FAM161A: variants seen among roughly 807,000 people sequenced by gnomAD.
FAM161A encodes the protein FAM161 centrosomal protein A.
In FAM161A, 57 loss-of-function variants were observed where a neutral mutation model predicts 70.9. That is an observed-to-expected ratio of 0.80 (90% CI 0.65 to 1.00). FAM161A has a LOEUF of 1.00. FAM161A is among the 50% of genes least tolerant of loss of function. The probability of loss-of-function intolerance (pLI) is 0.00; values close to 1 mark genes in which losing one functional copy is unlikely to be tolerated. For synonymous variants in FAM161A, 299 were observed against 295.7 expected, an observed-to-expected ratio of 1.01 and a Z score of -0.12; for missense variants, 880 against 836.0, an observed-to-expected ratio of 1.05 and a Z score of -0.65.
At chr2:61,851,972 T>A (rs1369005694) in intron 1 of FAM161A, among the ~76,000 whole-genome samples, 1 of 152,166 alleles carries the variant, frequency 6.6e-6, no homozygotes, top group Non-Finnish European at 1.5e-5. Context: ...CAAATTAACC[T>A]TTAAAAATCA....
At chr2:61,831,887 A>T (rs1209964052) in intron 5 of FAM161A, among the ~76,000 whole-genome samples, 1 of 152,194 alleles carries the variant, frequency 6.6e-6, no homozygotes, top group African/African-American at 2.4e-5. Context: ...GATAGACAAG[A>T]GGCTAAAAAA....
chr2:61,849,056 T>TTA (rs1179667086), intron 1 of FAM161A, among the ~76,000 whole-genome samples: 278 of 1,580 alleles, frequency 0.18, 107 homozygotes, highest in South Asian at 0.63. Flanking sequence ...TTATATATAT[T>TTA]TATATATATA....
At position 61,839,808 on chromosome 2, in the gene FAM161A, G is replaced by C. The variant is rs746090557; in HGVS notation, c.1196C>G (p.Pro399Arg). 1.2e-6 allele frequency: 2 copies of C among 1,614,162 alleles called. No homozygotes were observed. Among genetic ancestry groups the C allele is most frequent in the Non-Finnish European group, 1.7e-6 (2 of 1,180,040 alleles). ...CCTGCATCCACAAGCTGACCTACAA[G>C]GCAGAGGAGATGAGTTCTGTAAATG... Reference protein sequence around the residue: ...QEHLQNSSPLPCRSACGCRNP... With the variant: ...QEHLQNSSPLRCRSACGCRNP... The change falls in exon 3 of 7, where the codon CCT (proline) becomes CGT (arginine). Residue 399 changes from proline (P) to arginine (R), a missense_variant. By Grantham distance (103) the Pro-to-Arg change is moderately radical. Coordinates refer to ENST00000404929, the MANE Select transcript of FAM161A (RefSeq NM_001201543.2).
At chr2:61,818,471 G>C in the FAM161A span, among the ~76,000 whole-genome samples, 6 of 152,198 alleles carry the variant, frequency 3.9e-5, no homozygotes, top group Non-Finnish European at 7.3e-5. Context: ...ATTTCTTCTT[G>C]TTCCAGAAAG....
At chr2:61,808,278 T>A in the FAM161A span, among the ~76,000 whole-genome samples, 293 of 147,782 alleles carry the variant, frequency 2.0e-3, 1 homozygote, top group African/African-American at 5.8e-3. Context: ...ATTATTATTT[T>A]TTTTTTTTTT....
At chr2:61,832,812 G>A (rs955827974) in intron 5 of FAM161A, among the ~76,000 whole-genome samples, 39 of 152,084 alleles carry the variant, frequency 2.6e-4, no homozygotes, top group African/African-American at 9.2e-4. Context: ...TCCATTTCCC[G>A]ATCCATCCAC....
intron 1 of FAM161A, among the ~76,000 whole-genome samples, chr2:61,851,509 A>G (rs1011295042): frequency 6.6e-6 from 1 of 151,950 alleles, no homozygotes; most frequent in African/African-American, 2.4e-5. Flanking sequence ...TACTTTTTGT[A>G]TTTTTAGTAG....
Position 61,839,792 on chromosome 2 carries a change from A to G in FAM161A, c.1212T>C (p.Cys404=), listed in dbSNP as rs4672457. 0.97 allele frequency: 1,567,920 copies of G among 1,614,094 alleles called. 761,687 individuals carry two copies. Among genetic ancestry groups the G allele is most frequent in the East Asian group, 0.99 (44,624 of 44,864 alleles). ...NSSPLPCRSA[C]GCRNPRCPEQ... is the part of the protein sequence containing the mutation. ...CAGGACACCTGGGGTTCCTGCATCC[A>G]CAAGCTGACCTACAAGGCAGAGGAG... is the stretch of plus-strand genomic sequence containing the variant. The change falls in exon 3 of 7, where the codon TGT becomes TGC. Residue 404 remains cysteine, a synonymous_variant. Coordinates refer to ENST00000404929, the MANE Select transcript of FAM161A (RefSeq NM_001201543.2).
At position 61,839,527 on chromosome 2, in the gene FAM161A, G is replaced by A; in HGVS notation, c.1477C>T (p.Pro493Ser). The part of the protein sequence containing the change: ...LKETRWPYLS[P>S]RRKSPVRCAG... Reference sequence around the variant, plus strand: ...CATCTTACTGGTGACTTACGCCTTGGAGACAAATAAGGCCAACGTGTTTCT... The same window carrying A: ...CATCTTACTGGTGACTTACGCCTTGAAGACAAATAAGGCCAACGTGTTTCT... The change falls in exon 3 of 7, where the codon CCA becomes TCA. Residue 493 changes from proline to serine, a missense_variant. By Grantham distance (74) the Pro-to-Ser change is moderately conservative. Transcript: ENST00000404929. 6.2e-7 allele frequency: 1 copy of A among 1,614,198 alleles called. No homozygotes were observed. Among genetic ancestry groups the A allele is most frequent in the South Asian group, 1.1e-5 (1 of 91,082 alleles).
chr2:61,843,003 C>T (rs1673076480), intron 1 of FAM161A, among the ~76,000 whole-genome samples: 1 of 152,076 alleles, frequency 6.6e-6, no homozygotes, highest in Non-Finnish European at 1.5e-5. Flanking sequence ...AGCAGTAGCT[C>T]CCATGGGTGA....
At chr2:61,829,482 A>G (rs1055169848) in intron 5 of FAM161A, among the ~76,000 whole-genome samples, 9 of 152,168 alleles carry the variant, frequency 5.9e-5, no homozygotes, top group Admixed American at 5.9e-4. Flanking sequence ...TAACAATAAT[A>G]TTTTTTAGAA....
intron 3 of FAM161A, among the ~76,000 whole-genome samples, chr2:61,838,992 C>T (rs1351377584): frequency 1.3e-5 from 2 of 151,588 alleles, no homozygotes; most frequent in Non-Finnish European, 2.9e-5. Flanking sequence ...AAGCGATTCT[C>T]CTGCCTCAGC....
rs1328873935 is a variant in FAM161A at position 61,838,599 on chromosome 2, T to C, written c.1690A>G (p.Lys564Glu). ...ELQKLLTTRA[K>E]AYDSHQSLAQ... is the part of the protein sequence containing the mutation. ...AAACTTTGATGTGAGTCATAAGCCT[T>C]AGCCCGGGTTGTCAGGAGTTTCTGC... Residue 564 changes from lysine (K) to glutamate (E), a missense_variant, in exon 4 of 7, where the codon AAG (lysine) becomes GAG (glutamate). By Grantham distance (56) the Lys-to-Glu change is moderately conservative (BLOSUM62 1). Coordinates refer to ENST00000404929, the MANE Select transcript of FAM161A (RefSeq NM_001201543.2). 4 of 1,612,392 alleles carry C rather than the reference T, an allele frequency of 2.5e-6. No homozygotes were observed. The highest frequency in any genetic ancestry group is 1.7e-4 in the Middle Eastern group (1 of 6,060).
the FAM161A span, among the ~76,000 whole-genome samples, chr2:61,811,661 C>T: frequency 6.6e-6 from 1 of 152,108 alleles, no homozygotes; most frequent in Non-Finnish European, 1.5e-5. Context: ...GCATGAACCA[C>T]TGCGCCTGGC....
At chr2:61,844,143 C>CA (rs376892387) in intron 1 of FAM161A, among the ~76,000 whole-genome samples, 299 of 142,226 alleles carry the variant, frequency 2.1e-3, no homozygotes, top group African/African-American at 6.7e-3. Context: ...ACTCTGTCTC[C>CA]AAAAAAAAAA....
chr2:61,803,246 T>A, the FAM161A span: 2 of 616,464 alleles, frequency 3.2e-6, no homozygotes, highest in South Asian at 2.9e-5. Flanking sequence ...GTCATCTTTG[T>A]ATTTGCATTC....
chr2:61,818,000 A>G, the FAM161A span, among the ~76,000 whole-genome samples: 10 of 151,936 alleles, frequency 6.6e-5, no homozygotes, highest in African/African-American at 2.2e-4. Flanking sequence ...CAAGAAGCAT[A>G]TATGTTTCCC....
chr2:61,805,339 A>T, the FAM161A span, among the ~76,000 whole-genome samples: 1 of 152,170 alleles, frequency 6.6e-6, no homozygotes, highest in Non-Finnish European at 1.5e-5. Context: ...AACATGGCAA[A>T]ACCCCGTGTC....
intron 4 of FAM161A, chr2:61,836,358 G>A: frequency 2.4e-6 from 1 of 408,598 alleles, no homozygotes; most frequent in East Asian, 5.0e-5. Context: ...TATGCTCTAG[G>A]AATAGTCTGG....
Sources: allele counts gnomAD v4.1 joint callset (sites outside exome capture counted in the v4.1 genomes callset), GRCh38; gene constraint gnomAD v4.1.1; transcripts MANE v1.5; gene names NCBI Gene and HGNC (gene_info 2026-07-23, HGNC 2026-07-21).